GRM5: variants seen among roughly 807,000 people sequenced by gnomAD.
GRM5 encodes metabotropic glutamate receptor 5.
In GRM5, 19 loss-of-function variants were observed where a neutral mutation model predicts 83.1. The ratio of observed to expected loss-of-function variants is 0.23; its 90% CI spans 0.16 to 0.34. GRM5 has a LOEUF of 0.34. Among genes scored for constraint, GRM5 ranks in the 10% least tolerant of loss-of-function variants. The probability of loss-of-function intolerance (pLI) is 1.00; values close to 1 mark genes in which losing one functional copy is unlikely to be tolerated. For synonymous variants in GRM5, 675 were observed against 633.6 expected (o/e 1.07, Z -0.98); for missense variants, 1,160 against 1,588.3 (o/e 0.73, Z 4.58).
intron 2 of GRM5, among the ~76,000 whole-genome samples, chr11:88,970,783 A>T (rs773165964): frequency 2.0e-5 from 3 of 152,180 alleles, no homozygotes; most frequent in Non-Finnish European, 2.9e-5. Flanking sequence ...GTTGTACACA[A>T]TATGTAGGCA....
intron 3 of GRM5, among the ~76,000 whole-genome samples, chr11:88,793,514 G>C (rs933379248): frequency 1.3e-5 from 2 of 152,088 alleles, no homozygotes; most frequent in African/African-American, 4.8e-5. Flanking sequence ...TCTGAGGAAG[G>C]TTCTTCTTTT....
chr11:88,543,852 A>G (rs1315412280), intron 8 of GRM5, among the ~76,000 whole-genome samples: 1 of 152,076 alleles, frequency 6.6e-6, no homozygotes, highest in African/African-American at 2.4e-5. Flanking sequence ...AGCAGATAAC[A>G]TGGTTGCTAT....
At chr11:88,977,369 C>T (rs540246687) in intron 2 of GRM5, among the ~76,000 whole-genome samples, 4 of 152,062 alleles carry the variant, frequency 2.6e-5, no homozygotes, top group East Asian at 1.9e-4. Flanking sequence ...CCCGCCACCA[C>T]ACCCAGCTAA....
At chr11:88,700,947 T>C (rs904000781) in intron 3 of GRM5, among the ~76,000 whole-genome samples, 1 of 152,128 alleles carries the variant, frequency 6.6e-6, no homozygotes, top group African/African-American at 2.4e-5. Flanking sequence ...CAGAATACGT[T>C]TGTGCAGCAA....
chr11:89,026,690 T>C (rs1357313659), intron 2 of GRM5, among the ~76,000 whole-genome samples: 1 of 152,216 alleles, frequency 6.6e-6, no homozygotes, highest in African/African-American at 2.4e-5. Context: ...ATATGCAATC[T>C]ACTATTATTT....
chr11:88,984,288 T>C (rs557782538), intron 2 of GRM5, among the ~76,000 whole-genome samples: 2 of 152,168 alleles, frequency 1.3e-5, no homozygotes, highest in African/African-American at 2.4e-5. Context: ...ATCTTTTATA[T>C]TGTATTTTTA....
intron 3 of GRM5, among the ~76,000 whole-genome samples, chr11:88,767,824 T>TA (rs557085951): frequency 2.7e-5 from 4 of 150,560 alleles, no homozygotes; most frequent in East Asian, 1.9e-4. Context: ...CCCCAGAACC[T>TA]AAAAAAAAAT....
chr11:88,649,855 A>T (rs1434297390), intron 4 of GRM5, among the ~76,000 whole-genome samples: 1 of 151,894 alleles, frequency 6.6e-6, no homozygotes, highest in Non-Finnish European at 1.5e-5. Flanking sequence ...GGAGCATGGA[A>T]GTACAAGAAG....
chr11:88,845,566 T>C, intron 3 of GRM5, among the ~76,000 whole-genome samples: 1 of 151,244 alleles, frequency 6.6e-6, no homozygotes, highest in Non-Finnish European at 1.5e-5. Context: ...CCAGAGTAGC[T>C]GGGACTACAG....
In GRM5 at chr11:89,009,140, C is replaced by A. The variant is rs770362622; in HGVS notation, c.661+38072G>T. On this transcript the variant is annotated intron_variant, in intron 2 of 9. Coordinates refer to ENST00000305447, the MANE Select transcript of GRM5 (RefSeq NM_001143831.3). ...AAAACCTTAAGATGTATAAGATAAG[C>A]AAAGGTTTTATAAGTTAATTTTAAG... 5.3e-5 allele frequency: 37 copies of A among 702,524 alleles called. No individual in the cohort carries two copies. In the African/African-American group the frequency reaches 6.1e-4, roughly 12 times the overall value. 43.5% of individuals were successfully genotyped at this position (702,524 alleles called of 1,614,324 possible). A position where few individuals can be genotyped will look rare whatever the true frequency, so the allele number is the denominator to read the frequency against.
At chr11:88,618,342 ATCT>A (rs1369173739) in intron 4 of GRM5, among the ~76,000 whole-genome samples, 4 of 152,194 alleles carry the variant, frequency 2.6e-5, no homozygotes, top group African/African-American at 9.6e-5. Context: ...ACTTTTACTA[ATCT>A]TCTTGCTTCA....
intron 3 of GRM5, among the ~76,000 whole-genome samples, chr11:88,746,908 T>G (rs1381575008): frequency 6.6e-6 from 1 of 152,130 alleles, no homozygotes; most frequent in African/African-American, 2.4e-5. Flanking sequence ...AGCATATCGT[T>G]TAGACCTTGT....
intron 2 of GRM5, among the ~76,000 whole-genome samples, chr11:88,873,505 C>A (rs558422255): frequency 6.6e-6 from 1 of 151,602 alleles, no homozygotes; most frequent in East Asian, 1.9e-4. Flanking sequence ...AAAATTATAT[C>A]AGATAACTTT....
At chr11:88,572,898 T>C (rs1943033303) in intron 7 of GRM5, among the ~76,000 whole-genome samples, 1 of 152,192 alleles carries the variant, frequency 6.6e-6, no homozygotes, top group Admixed American at 6.5e-5. Flanking sequence ...TAGCATATGT[T>C]ATTATATTTT....
At chr11:88,656,600 G>C (rs1017022828) in intron 3 of GRM5, among the ~76,000 whole-genome samples, 1 of 151,896 alleles carries the variant, frequency 6.6e-6, no homozygotes, top group African/African-American at 2.4e-5. Flanking sequence ...TTGCATGTTC[G>C]TGTTTTTTAT....
At chr11:88,813,434 CTTAT>C (rs1403179960) in intron 3 of GRM5, among the ~76,000 whole-genome samples, 1 of 152,152 alleles carries the variant, frequency 6.6e-6, no homozygotes, top group African/African-American at 2.4e-5. Flanking sequence ...CTGAGTGTGA[CTTAT>C]TCTACCACCA....
chr11:88,736,629 T>G (rs1313566075), intron 3 of GRM5, among the ~76,000 whole-genome samples: 1 of 152,094 alleles, frequency 6.6e-6, no homozygotes, highest in Non-Finnish European at 1.5e-5. Context: ...GGTCCTGCTT[T>G]GCTGGCATTT....
rs140435721 is a variant in GRM5 at position 89,054,115 on chromosome 11, G to A, written c.-200-6043C>T. Among the ~76,000 whole-genome samples, 346 of 152,256 alleles carry A rather than the reference G, an allele frequency of 2.3e-3. 2 individuals are homozygous for A. The highest frequency in any genetic ancestry group is 7.4e-3 in the African/African-American group (309 of 41,556). ...AAAATTTTAACAAGAATAAGGGCAC[G>A]AAGGCAGAAAATGAAGAGAAAATTA... On this transcript the variant is annotated intron_variant, in intron 1 of 9. Coordinates refer to ENST00000305447, the MANE Select transcript of GRM5 (RefSeq NM_001143831.3).
chr11:88,703,618 A>G (rs1212046756), intron 3 of GRM5, among the ~76,000 whole-genome samples: 6 of 152,008 alleles, frequency 3.9e-5, no homozygotes, highest in African/African-American at 1.4e-4. Flanking sequence ...GTGGGAGGTA[A>G]TTGAATCATA....
Sources: allele counts gnomAD v4.1 joint callset (sites outside exome capture counted in the v4.1 genomes callset), GRCh38; gene constraint gnomAD v4.1.1; transcripts MANE v1.5; gene names NCBI Gene and HGNC (gene_info 2026-07-23, HGNC 2026-07-21).